Variants in ICOS observed in about 807,000 individuals in gnomAD.
The protein encoded by ICOS is inducible T cell costimulator, also known as inducible T-cell costimulator.
A neutral mutation model predicts 24.6 loss-of-function variants in ICOS; 15 were observed. The observed-to-expected ratio is 0.61, with a 90% CI of 0.41 to 0.94. The LOEUF is 0.94. Among genes scored for constraint, ICOS ranks in the 40% least tolerant of loss-of-function variants. The pLI, the probability that ICOS is intolerant of heterozygous loss-of-function variation, is 0.00. For synonymous variants in ICOS, 89 were observed against 77.5 expected (o/e 1.15, Z -0.78); for missense variants, 200 against 233.0 (o/e 0.86, Z 0.92).
At chr2:203,949,634 A>T (rs1689935245) in intron 1 of ICOS, among the ~76,000 whole-genome samples, 1 of 152,232 alleles carries the variant, frequency 6.6e-6, no homozygotes, top group South Asian at 2.1e-4. Context: ...AGCATATCAA[A>T]GATAGTATGA....
chr2:203,954,324 G>A (rs570794642), intron 1 of ICOS, among the ~76,000 whole-genome samples: 4 of 152,160 alleles, frequency 2.6e-5, no homozygotes, highest in South Asian at 4.1e-4. Flanking sequence ...GGTGGTTCAC[G>A]TCTGTAATCC....
intron 1 of ICOS, among the ~76,000 whole-genome samples, chr2:203,938,827 C>T (rs1424963198): frequency 2.0e-5 from 3 of 152,170 alleles, no homozygotes; most frequent in Non-Finnish European, 4.4e-5. Flanking sequence ...TGTTCACTCT[C>T]ATTATAAAGA....
chr2:203,951,564 A>C (rs536316418), intron 1 of ICOS, among the ~76,000 whole-genome samples: 7 of 152,228 alleles, frequency 4.6e-5, no homozygotes, highest in Non-Finnish European at 8.8e-5. Context: ...TGCACCGCCA[A>C]CCATTCATGT....
intron 1 of ICOS, among the ~76,000 whole-genome samples, chr2:203,938,476 G>A (rs574410668): frequency 2.8e-4 from 42 of 152,198 alleles, no homozygotes; most frequent in Non-Finnish European, 5.4e-4. Flanking sequence ...ATGACCAACT[G>A]GTCCAAGTTG....
At chr2:203,944,117 T>G (rs1359546038) in intron 1 of ICOS, among the ~76,000 whole-genome samples, 1 of 152,180 alleles carries the variant, frequency 6.6e-6, no homozygotes, top group East Asian at 1.9e-4. Flanking sequence ...GCATGTGAAA[T>G]CTGCATGCTG....
intron 4 of ICOS, 107 bp downstream of exon 4, chr2:203,957,990 G>A: frequency 1.5e-6 from 1 of 679,186 alleles, no homozygotes; most frequent in East Asian, 2.8e-5. Context: ...ACATCTCCAA[G>A]GCCTAATTCT....
Position 203,944,156 on chromosome 2 carries a change from A to T in ICOS, c.58+7284A>T, listed in dbSNP as rs115251036. ...TCACGGCCTCCCCCCAGTTCAGGCCAGGAGACTTCTTGCCCTGTTCAAATA... is the reference window on the plus strand; with the variant it reads ...TCACGGCCTCCCCCCAGTTCAGGCCTGGAGACTTCTTGCCCTGTTCAAATA... On this transcript the variant is annotated intron_variant, in intron 1 of 4. Transcript: ENST00000316386. Among the ~76,000 whole-genome samples, 1,484 of 152,286 alleles carry T rather than the reference A, an allele frequency of 9.7e-3. 26 individuals are homozygous for T. Among genetic ancestry groups the T allele is most frequent in the African/African-American group, 0.033 (1,351 of 41,552 alleles).
Position 203,957,819 on chromosome 2 carries a change from C to T in ICOS, c.522C>T (p.His174=), listed in dbSNP as rs376555288. The T allele has an allele frequency of 2.2e-5, 36 of 1,612,532 alleles. No individual in the cohort carries two copies. The highest frequency in any genetic ancestry group is 6.6e-5 in the South Asian group (6 of 91,046). The change falls in exon 4 of 5, where the codon CAC becomes CAT. Residue 174 remains histidine (H), a synonymous_variant. Coordinates refer to ENST00000316386, the MANE Select transcript of ICOS (RefSeq NM_012092.4). ...TTCAGAAGTATTCATCCAGTGTGCA[C>T]GACCCTAACGGTGAATACATGTTCA... ...LTKKKYSSSV[H]DPNGEYMFMR...
chr2:203,951,965 C>T (rs1278363562), intron 1 of ICOS, among the ~76,000 whole-genome samples: 1 of 151,996 alleles, frequency 6.6e-6, no homozygotes, highest in Admixed American at 6.6e-5. Flanking sequence ...TAATATTGTT[C>T]CTTCCAGTTT....
At position 203,959,530 on chromosome 2, in the gene ICOS, T is replaced by C. The variant is rs1052271321; in HGVS notation, c.587-56T>C. On this transcript the variant is annotated intron_variant, in intron 4 of 4. Transcript: ENST00000316386. ...GCAATGGAGAGGGGAAAGCTTCTTG[T>C]AGGGAACTGGCACATGGAGAGCATT... 2.2e-5 allele frequency: 34 copies of C among 1,520,224 alleles called. No individual in the cohort carries two copies. In the African/African-American group the frequency reaches 2.5e-4, roughly 11 times the overall value. 94.2% of individuals were successfully genotyped at this position (1,520,224 alleles called of 1,614,324 possible). A position where few individuals can be genotyped will look rare whatever the true frequency, so the allele number is the denominator to read the frequency against.
At chr2:203,955,261 C>T (rs1207101979) in intron 1 of ICOS, among the ~76,000 whole-genome samples, 3 of 152,134 alleles carry the variant, frequency 2.0e-5, no homozygotes, top group Non-Finnish European at 2.9e-5. Context: ...AAATAGTACT[C>T]CATTCCTATC....
intron 1 of ICOS, among the ~76,000 whole-genome samples, chr2:203,947,022 G>C (rs1689882763): frequency 6.6e-6 from 1 of 152,176 alleles, no homozygotes; most frequent in African/African-American, 2.4e-5. Context: ...TGCTTGCAAA[G>C]AGTCCCAGCA....
intron 1 of ICOS, among the ~76,000 whole-genome samples, chr2:203,937,094 G>T (rs752656403): frequency 8.5e-5 from 13 of 152,070 alleles, no homozygotes; most frequent in Non-Finnish European, 1.9e-4. Context: ...TGAAAAACAT[G>T]TTTCATCAGA....
At chr2:203,952,737 GTACTACAGATATTAT>G (rs1690007181) in intron 1 of ICOS, among the ~76,000 whole-genome samples, 1 of 151,918 alleles carries the variant, frequency 6.6e-6, no homozygotes, top group Non-Finnish European at 1.5e-5. Flanking sequence ...ATTTTCCTGT[GTACTACAGATATTAT>G]TACAAGTTTT....
At chr2:203,946,152 C>T (rs1689863731) in intron 1 of ICOS, among the ~76,000 whole-genome samples, 1 of 152,172 alleles carries the variant, frequency 6.6e-6, no homozygotes, top group Non-Finnish European at 1.5e-5. Flanking sequence ...AACAAAATAA[C>T]TTGTTTGTAA....
At chr2:203,944,577 A>G (rs1689836985) in intron 1 of ICOS, among the ~76,000 whole-genome samples, 1 of 152,204 alleles carries the variant, frequency 6.6e-6, no homozygotes, top group Non-Finnish European at 1.5e-5. Flanking sequence ...ATATTTACCA[A>G]ACATGCTTAG....
chr2:203,959,606 A>G lies in ICOS; in HGVS notation c.*7A>G, dbSNP rs753634371. 1.9e-6 allele frequency: 3 copies of G among 1,612,632 alleles called. No individual in the cohort carries two copies. The South Asian group carries it at 3.3e-5, about 18-fold the overall frequency. Reference sequence around the variant, plus strand: ...TACAGATGTGACCCTATAATATGGAACTCTGGCACCCAGGCATGAAGCACG... The same window carrying G: ...TACAGATGTGACCCTATAATATGGAGCTCTGGCACCCAGGCATGAAGCACG... On this transcript the variant is annotated 3_prime_UTR_variant, in exon 5 of 5. Coordinates refer to ENST00000316386, the MANE Select transcript of ICOS (RefSeq NM_012092.4).
In ICOS at chr2:203,960,618, A is replaced by T. The variant is rs1690161845; in HGVS notation, c.*1019A>T. Reference sequence around the variant, plus strand: ...ACAAAATCATCTTTAATGGGCCAGCATTCTCATGGGGTAGAGCAGAATATT... The same window carrying T: ...ACAAAATCATCTTTAATGGGCCAGCTTTCTCATGGGGTAGAGCAGAATATT... On this transcript the variant is annotated 3_prime_UTR_variant, in exon 5 of 5. Coordinates refer to ENST00000316386, the MANE Select transcript of ICOS (RefSeq NM_012092.4). 6.6e-6 allele frequency: 1 copy of T among 152,244 alleles called. No individual in the cohort carries two copies. Among genetic ancestry groups the T allele is most frequent in the Non-Finnish European group, 1.5e-5 (1 of 68,050 alleles). The allele number at this position is 152,244 out of a possible 1,614,324, so 9.4% of individuals were successfully genotyped here. A position where few individuals can be genotyped will look rare whatever the true frequency, so the allele number is the denominator to read the frequency against.
intron 1 of ICOS, 66 bp downstream of exon 1, chr2:203,936,938 G>A: frequency 1.5e-6 from 2 of 1,301,068 alleles, no homozygotes; most frequent in South Asian, 1.2e-5. Context: ...AAAAGCAAAG[G>A]TAGAAAAATT....
Sources: allele counts gnomAD v4.1 joint callset (sites outside exome capture counted in the v4.1 genomes callset), GRCh38; gene constraint gnomAD v4.1.1; transcripts MANE v1.5; gene names NCBI Gene and HGNC (gene_info 2026-07-23, HGNC 2026-07-21).